The following SYNDIG1 variants were observed in gnomAD, a reference collection of about 807,000 sequenced individuals.
SYNDIG1 encodes the protein synapse differentiation inducing 1.
Under a neutral mutation model 19.4 loss-of-function variants are expected in SYNDIG1, and 9 were observed. The ratio of observed to expected loss-of-function variants is 0.46; its 90% confidence interval spans 0.28 to 0.81. The LOEUF (loss-of-function observed/expected upper bound fraction) is 0.81, where lower values mean the gene tolerates loss of function less well. SYNDIG1 is among the 30% of genes least tolerant of loss of function. The probability of loss-of-function intolerance (pLI) is 0.12; values close to 1 mark genes in which losing one functional copy is unlikely to be tolerated. For synonymous variants in SYNDIG1, 141 were observed against 145.9 expected, an observed-to-expected ratio of 0.97 and a Z score of 0.24; for missense variants, 311 against 343.3, an observed-to-expected ratio of 0.91 and a Z score of 0.74.
intron 1 of SYNDIG1, among the ~76,000 whole-genome samples, chr20:24,533,096 A>G (rs1293652004): frequency 6.6e-6 from 1 of 152,008 alleles, no homozygotes; most frequent in Non-Finnish European, 1.5e-5. Context: ...ACTGCTCTGG[A>G]GGACCAGAAT....
intron 2 of SYNDIG1, among the ~76,000 whole-genome samples, chr20:24,579,565 G>A (rs1250614311): frequency 2.0e-5 from 3 of 152,228 alleles, no homozygotes; most frequent in African/African-American, 4.8e-5. Flanking sequence ...TGGTGGAAAC[G>A]TTCTGCATCT....
At chr20:24,575,107 C>A (rs1439144836) in intron 2 of SYNDIG1, among the ~76,000 whole-genome samples, 1 of 152,226 alleles carries the variant, frequency 6.6e-6, no homozygotes, top group Non-Finnish European at 1.5e-5. Flanking sequence ...ATGCAGAATG[C>A]AGCCTTACAA....
chr20:24,559,756 C>T (rs995990969), intron 2 of SYNDIG1, among the ~76,000 whole-genome samples: 3 of 152,100 alleles, frequency 2.0e-5, no homozygotes, highest in Non-Finnish European at 2.9e-5. Flanking sequence ...ATCGAATTCT[C>T]GTTTGGAAGT....
At chr20:24,514,747 A>T (rs971062051) in intron 1 of SYNDIG1, among the ~76,000 whole-genome samples, 4 of 152,204 alleles carry the variant, frequency 2.6e-5, no homozygotes, top group African/African-American at 9.6e-5. Flanking sequence ...ATATCCAGGA[A>T]TTGAACTCAG....
rs936442126 is a variant in SYNDIG1, at chr20:24,574,506, T to C, written c.481-10350T>C. Reference sequence around the variant, plus strand: ...TCTGTCTCTAAAATAAATAAATAAATAAGTAAATAAATAAATAAATAAAAA... The same window carrying C: ...TCTGTCTCTAAAATAAATAAATAAACAAGTAAATAAATAAATAAATAAAAA... On this transcript the variant is annotated intron_variant, in intron 2 of 3. Coordinates refer to ENST00000376862, the MANE Select transcript of SYNDIG1 (RefSeq NM_024893.3). Among the ~76,000 whole-genome samples the C allele has an allele frequency of 2.0e-5, 3 of 151,188 alleles. 1 individual carries two copies. The highest frequency in any genetic ancestry group is 2.9e-5 in the Non-Finnish European group (2 of 67,870).
In SYNDIG1 at chr20:24,585,008, G is replaced by C. The variant is rs751096047; in HGVS notation, c.618+15G>C. 1 of 1,609,052 alleles carries C rather than the reference G, an allele frequency of 6.2e-7. No individual in the cohort carries two copies. Among genetic ancestry groups the C allele is most frequent in the Non-Finnish European group, 8.5e-7 (1 of 1,177,918 alleles). ...TGTCCCATGAGGTAAGGCCTCCTTG[G>C]TCTGTCGCACGTGGTGTGCAGGTGT... On this transcript the variant is annotated intron_variant, in intron 3 of 3. Transcript: ENST00000376862.
chr20:24,655,939 G>A (rs1016101340), intron 3 of SYNDIG1, among the ~76,000 whole-genome samples: 13 of 152,224 alleles, frequency 8.5e-5, no homozygotes, highest in African/African-American at 2.7e-4. Flanking sequence ...TGCACACACA[G>A]GGGTGAGTCT....
At chr20:24,571,167 A>G (rs2058134656) in intron 2 of SYNDIG1, among the ~76,000 whole-genome samples, 1 of 152,144 alleles carries the variant, frequency 6.6e-6, no homozygotes, top group African/African-American at 2.4e-5. Context: ...AGTTCTTTGG[A>G]GGTGATGAAG....
intron 3 of SYNDIG1, among the ~76,000 whole-genome samples, chr20:24,640,521 GGAAGGAAGGA>G (rs1568710249): frequency 3.2e-5 from 4 of 125,658 alleles, no homozygotes; most frequent in Admixed American, 8.6e-5. Context: ...AAGGAAGGAA[GGAAGGAAGGA>G]GCTTTTCTTC....
At chr20:24,583,718 G>A (rs1023111918) in intron 2 of SYNDIG1, among the ~76,000 whole-genome samples, 8 of 152,212 alleles carry the variant, frequency 5.3e-5, no homozygotes, top group South Asian at 2.1e-4. Flanking sequence ...GGGTGGGGCA[G>A]TGGTTCTCTT....
At chr20:24,572,353 A>G (rs2058157553) in intron 2 of SYNDIG1, among the ~76,000 whole-genome samples, 1 of 152,224 alleles carries the variant, frequency 6.6e-6, no homozygotes, top group Non-Finnish European at 1.5e-5. Flanking sequence ...GAGAGCTCAG[A>G]GAGACTGGGC....
chr20:24,544,408 G>T (rs887004544), intron 2 of SYNDIG1, among the ~76,000 whole-genome samples: 4 of 152,202 alleles, frequency 2.6e-5, no homozygotes, highest in Non-Finnish European at 4.4e-5. Context: ...CAGTTTGGTG[G>T]GGAAGGAAAC....
intron 1 of SYNDIG1, among the ~76,000 whole-genome samples, chr20:24,487,027 C>T (rs1169294176): frequency 2.7e-5 from 4 of 147,000 alleles, no homozygotes; most frequent in African/African-American, 5.1e-5. Flanking sequence ...TTTGAGCAGC[C>T]GGGGAATCAC....
chr20:24,588,449 T>G (rs1280937108), intron 3 of SYNDIG1, among the ~76,000 whole-genome samples: 1 of 152,244 alleles, frequency 6.6e-6, no homozygotes, highest in Non-Finnish European at 1.5e-5. Context: ...CATGCACCCT[T>G]GCTTCCAGGA....
intron 3 of SYNDIG1, among the ~76,000 whole-genome samples, chr20:24,656,152 G>A (rs762243746): frequency 1.3e-5 from 2 of 152,180 alleles, no homozygotes; most frequent in Non-Finnish European, 2.9e-5. Context: ...TACATATGTG[G>A]TGGGGCTTCA....
intron 3 of SYNDIG1, among the ~76,000 whole-genome samples, chr20:24,654,160 A>G (rs1353367299): frequency 6.6e-6 from 1 of 152,172 alleles, no homozygotes; most frequent in Non-Finnish European, 1.5e-5. Flanking sequence ...AATCAGTGCC[A>G]TATATGCAGA....
intron 1 of SYNDIG1, among the ~76,000 whole-genome samples, chr20:24,494,793 G>T (rs1318816786): frequency 2.6e-5 from 4 of 152,198 alleles, no homozygotes; most frequent in Admixed American, 2.6e-4. Flanking sequence ...GGCACCTCCA[G>T]CCTTCCCCAT....
intron 1 of SYNDIG1, among the ~76,000 whole-genome samples, chr20:24,505,179 T>C (rs1268447663): frequency 1.3e-5 from 2 of 152,072 alleles, no homozygotes; most frequent in African/African-American, 4.8e-5. Context: ...CACCGCGGGC[T>C]ACAGGGAGAT....
intron 3 of SYNDIG1, among the ~76,000 whole-genome samples, chr20:24,620,549 A>G (rs181703892): frequency 3.4e-4 from 52 of 152,362 alleles, no homozygotes; most frequent in Middle Eastern, 6.8e-3. Flanking sequence ...AACGTCCTAC[A>G]TCAAGGTGGA....
Sources: gnomAD v4.1 joint callset for allele counts (sites outside exome capture counted in the v4.1 genomes callset) on GRCh38, gnomAD v4.1.1 for gene constraint, MANE v1.5 for transcripts, NCBI Gene and HGNC (gene_info 2026-07-23, HGNC 2026-07-21) for gene names.